Variants in CAMKK1 observed in about 807,000 individuals in gnomAD.
CAMKK1 encodes calcium/calmodulin-dependent protein kinase kinase 1.
Under a neutral mutation model 63.5 loss-of-function variants are expected in CAMKK1, and 20 were observed. The ratio of observed to expected loss-of-function variants is 0.32; its 90% CI spans 0.22 to 0.46. CAMKK1 has a LOEUF of 0.46. Among genes scored for constraint, CAMKK1 ranks in the 20% least tolerant of loss-of-function variants. The probability of loss-of-function intolerance (pLI) is 1.00; values close to 1 mark genes in which losing one functional copy is unlikely to be tolerated. For missense variants in CAMKK1, 588 were observed against 658.1 expected (o/e 0.89, Z 1.17); for synonymous variants, 253 against 269.0 (o/e 0.94, Z 0.58).
At position 3,873,412 on chromosome 17, in the gene CAMKK1, C is replaced by A. The variant is rs760288062; in HGVS notation, c.1047G>T (p.Gly349=). Residue 349 remains glycine (G), a synonymous_variant, in exon 11 of 16, where the codon GGG becomes GGT. Transcript: ENST00000348335. ...TGCTGGCATCCCTGGCACTCACCTT[C>A]CCATAGACAAAGCAGTACAACGTGA... The part of the protein sequence containing the change: ...TGVTLYCFVY[G]KCPFIDDFIL... The A allele has an allele frequency of 9.3e-6, 15 of 1,614,112 alleles. No homozygotes were observed. Among genetic ancestry groups the A allele is most frequent in the Non-Finnish European group, 1.3e-5 (15 of 1,180,008 alleles).
At chr17:3,869,997 G>A (rs1247407398) in intron 12 of CAMKK1, 109 bp from the exon 13 acceptor site, 29 of 851,392 alleles carry the variant, frequency 3.4e-5, no homozygotes, top group Non-Finnish European at 4.3e-5. Flanking sequence ...ACTGAGTTCC[G>A]GACAGCAGGC....
In CAMKK1 at chr17:3,885,531, C is replaced by T. The variant is rs761030354; in HGVS notation, c.157G>A (p.Val53Met). 6.2e-7 allele frequency: 1 copy of T among 1,613,988 alleles called. No homozygotes were observed. The highest frequency in any genetic ancestry group is 1.1e-5 in the South Asian group (1 of 91,090). Reference protein sequence around the residue: ...DPPPRARAASVIPGSTSRLLP... With the variant: ...DPPPRARAASMIPGSTSRLLP... ...AGTCTTGAAGTACTGCCAGGGATCA[C>T]AGAGGCAGCTCTGGCCCGTGGTGGG... The change falls in exon 2 of 16, where the codon GTG becomes ATG. Residue 53 changes from valine to methionine, a missense_variant. Around this residue, in one of 3 missense-constraint regions of CAMKK1, gnomAD observed 357 missense variants for 407.4 expected, o/e 0.88. Coordinates refer to ENST00000348335, the MANE Select transcript of CAMKK1 (RefSeq NM_032294.3).
chr17:3,884,291 T>C lies in CAMKK1; in HGVS notation c.408+89A>G. 7.0e-7 allele frequency: 1 copy of C among 1,434,032 alleles called. No individual in the cohort carries two copies. 88.8% of individuals were successfully genotyped at this position (1,434,032 alleles called of 1,614,324 possible). On this transcript the variant is annotated intron_variant, in intron 3 of 15. Coordinates refer to ENST00000348335, the MANE Select transcript of CAMKK1 (RefSeq NM_032294.3). The surrounding 1 kb of genome is among the most constrained non-coding windows in gnomAD (Gnocchi z 4.5). ...CTCCAGGCTAGGACTTGCCTGGCTCTGCCTCCCGTTCCCTCCCACACGAGA... is the reference window on the plus strand; with the variant it reads ...CTCCAGGCTAGGACTTGCCTGGCTCCGCCTCCCGTTCCCTCCCACACGAGA...
Position 3,883,764 on chromosome 17 carries a change from G to A in CAMKK1, c.462+120C>T. On this transcript the variant is annotated intron_variant, in intron 4 of 15. Transcript: ENST00000348335. This position sits in a 1 kb window ranked among gnomAD's most constrained non-coding sequence, Gnocchi z 4.7. ...AGCTCATTCCTTTGCATACCCCTAGGGACAGGGAGCTCACTCTCAGGCAGC... is the reference window on the plus strand; with the variant it reads ...AGCTCATTCCTTTGCATACCCCTAGAGACAGGGAGCTCACTCTCAGGCAGC... The A allele has an allele frequency of 1.1e-6, 1 of 950,226 alleles. No homozygotes were observed. Among genetic ancestry groups the A allele is most frequent in the Non-Finnish European group, 1.7e-6 (1 of 591,798 alleles). The allele number at this position is 950,226 out of a possible 1,614,324, so 58.9% of individuals were successfully genotyped here.
rs1414076290 is a variant in CAMKK1, at chr17:3,890,809, G to A, written c.-44+2130C>T. ...ACCTCCCTCTCCTCTGCTGCCTGGA[G>A]GACAGCTCAGACATCGCCTCTTCTG... On this transcript the variant is annotated intron_variant, in intron 1 of 15. Transcript: ENST00000348335. This position sits in a 1 kb window ranked among gnomAD's most constrained non-coding sequence, Gnocchi z 6.5. The A allele has an allele frequency of 1.3e-6, 1 of 779,306 alleles. No individual in the cohort carries two copies. The highest frequency in any genetic ancestry group is 2.4e-6 in the Non-Finnish European group (1 of 417,714). The allele number at this position is 779,306 out of a possible 1,614,324, so 48.3% of individuals were successfully genotyped here.
Position 3,883,230 on chromosome 17 carries a change from G to A in CAMKK1, c.515-55C>T. The stretch of plus-strand genomic sequence containing the variant: ...GTTCCAGGTGGCTGGGCCTCACCGT[G>A]GCCCCCAAACCAGTCTCAAGCAAGA... On this transcript the variant is annotated intron_variant, in intron 5 of 15. Transcript: ENST00000348335. This position sits in a 1 kb window ranked among gnomAD's most constrained non-coding sequence, Gnocchi z 4.7. 2 of 1,601,184 alleles carry A rather than the reference G, an allele frequency of 1.2e-6. No individual in the cohort carries two copies. Among genetic ancestry groups the A allele is most frequent in the African/African-American group, 1.3e-5 (1 of 74,866 alleles).
intron 7 of CAMKK1, 145 bp from the exon 8 acceptor site, chr17:3,881,793 A>G: frequency 1.4e-6 from 1 of 708,038 alleles, no homozygotes; most frequent in Non-Finnish European, 2.5e-6. Flanking sequence ...CTGGGATATG[A>G]GAGCAAATAA....
chr17:3,881,556 G>A, intron 8 of CAMKK1, 71 bp downstream of exon 8: 1 of 1,442,810 alleles, frequency 6.9e-7, no homozygotes, highest in Admixed American at 2.0e-5. Flanking sequence ...CCCTGGGCTG[G>A]GGACACAGGG....
rs973257861 is a variant in CAMKK1, at chr17:3,862,172, T to A, written c.*39A>T. On this transcript the variant is annotated 3_prime_UTR_variant, in exon 16 of 16. Transcript: ENST00000348335. The surrounding 1 kb of genome is among the most constrained non-coding windows in gnomAD (Gnocchi z 4.1). ...GGGGTGGGCCTCTGGAGGCGCGGGATGAGTGTGCTGCCGGGTGGCCCTGGG... is the reference window on the plus strand; with the variant it reads ...GGGGTGGGCCTCTGGAGGCGCGGGAAGAGTGTGCTGCCGGGTGGCCCTGGG... 9.8e-6 allele frequency: 15 copies of A among 1,536,456 alleles called. No individual in the cohort carries two copies. The highest frequency in any genetic ancestry group is 1.2e-5 in the Non-Finnish European group (14 of 1,134,028).
At chr17:3,874,884 G>A (rs1213911454) in intron 10 of CAMKK1, among the ~76,000 whole-genome samples, 1 of 151,652 alleles carries the variant, frequency 6.6e-6, no homozygotes, top group Admixed American at 6.6e-5. Flanking sequence ...CACTTTGGGA[G>A]GCCGAGGCGG....
intron 14 of CAMKK1, among the ~76,000 whole-genome samples, chr17:3,866,572 G>C (rs769652653): frequency 1.3e-5 from 2 of 152,252 alleles, no homozygotes; most frequent in Non-Finnish European, 2.9e-5. Flanking sequence ...CGCATGCAGA[G>C]AGGCAGCGGC....
In CAMKK1 at chr17:3,876,211, C is replaced by A; in HGVS notation, c.996+12G>T. The A allele has an allele frequency of 6.2e-7, 1 of 1,612,378 alleles. No homozygotes were observed. Among genetic ancestry groups the A allele is most frequent in the South Asian group, 1.1e-5 (1 of 90,912 alleles). On this transcript the variant is annotated intron_variant, in intron 10 of 15. Coordinates refer to ENST00000348335, the MANE Select transcript of CAMKK1 (RefSeq NM_032294.3). ...ACTTGAACCCCAGCCTGGCCCAGGG[C>A]CTGCGAGTCACCTTCCCACTGAAGC...
rs1006939032 is a variant in CAMKK1 at position 3,884,110 on chromosome 17, T to C, written c.409-173A>G. Reference sequence around the variant, plus strand: ...AGATGGGGAGGGGACTCCTGCGCCCTGGTAACTGCCCCTGCTTGGCTCCAC... The same window carrying C: ...AGATGGGGAGGGGACTCCTGCGCCCCGGTAACTGCCCCTGCTTGGCTCCAC... On this transcript the variant is annotated intron_variant, in intron 3 of 15. Coordinates refer to ENST00000348335, the MANE Select transcript of CAMKK1 (RefSeq NM_032294.3). The surrounding 1 kb of genome is among the most constrained non-coding windows in gnomAD (Gnocchi z 4.5). 5.3e-5 allele frequency among the ~76,000 whole-genome samples: 8 copies of C among 152,112 alleles called. No individual in the cohort carries two copies. The highest frequency in any genetic ancestry group is 1.0e-4 in the Non-Finnish European group (7 of 68,006).
intron 14 of CAMKK1, among the ~76,000 whole-genome samples, chr17:3,867,159 A>G (rs2054561579): frequency 6.6e-6 from 1 of 152,226 alleles, no homozygotes; most frequent in Admixed American, 6.5e-5. Context: ...GGGAGGCTGA[A>G]GCTACAGGGT....
rs1038664658 is a variant in CAMKK1, at chr17:3,890,508, T to G, written c.-44+2431A>C. On this transcript the variant is annotated intron_variant, in intron 1 of 15. Transcript: ENST00000348335. This position sits in a 1 kb window ranked among gnomAD's most constrained non-coding sequence, Gnocchi z 6.5. Reference sequence around the variant, plus strand: ...CGTCCATGTTCCCGAGCAGCTCAGATCCAACAGGCCCCAGATTCAACTCAG... The same window carrying G: ...CGTCCATGTTCCCGAGCAGCTCAGAGCCAACAGGCCCCAGATTCAACTCAG... Among the ~76,000 whole-genome samples, 2 of 152,056 alleles carry G rather than the reference T, an allele frequency of 1.3e-5. No homozygotes were observed. The highest frequency in any genetic ancestry group is 2.9e-5 in the Non-Finnish European group (2 of 67,986).
Position 3,882,558 on chromosome 17 carries a change from C to T in CAMKK1, c.655G>A (p.Asp219Asn). The T allele has an allele frequency of 6.3e-7, 1 of 1,593,610 alleles. No homozygotes were observed. The highest frequency in any genetic ancestry group is 8.5e-7 in the Non-Finnish European group (1 of 1,169,696). ...VNVVKLIEVL[D>N]DPAEDNLYLV... is the part of the protein sequence containing the mutation. ...TAGAGGTTGTCCTCAGCTGGGTCAT[C>T]CAGGACCTGGTCAGAGGGAGCAGAC... The change falls in exon 7 of 16, where the codon GAT (aspartate) becomes AAT (asparagine). Residue 219 changes from aspartate to asparagine, a missense_variant. Physicochemically the swap from Asp to Asn is conservative, Grantham distance 23. Around this residue, in one of 3 missense-constraint regions of CAMKK1, gnomAD observed 357 missense variants for 407.4 expected, o/e 0.88. Transcript: ENST00000348335. This position sits in a 1 kb window ranked among gnomAD's most constrained non-coding sequence, Gnocchi z 4.3.
chr17:3,876,827 G>A (rs1289564132), intron 9 of CAMKK1, among the ~76,000 whole-genome samples: 4 of 147,588 alleles, frequency 2.7e-5, no homozygotes, highest in African/African-American at 5.0e-5. Flanking sequence ...GCGTGATCTC[G>A]GCTCACTGCA....
intron 14 of CAMKK1, among the ~76,000 whole-genome samples, chr17:3,867,966 C>T (rs1381619595): frequency 1.8e-4 from 25 of 141,504 alleles, no homozygotes; most frequent in African/African-American, 6.0e-4. Context: ...AATGGATACG[C>T]AGGATCTGGG....
Position 3,869,619 on chromosome 17 carries a change from T to C in CAMKK1, c.1213-4A>G. The C allele has an allele frequency of 6.2e-7, 1 of 1,614,102 alleles. No homozygotes were observed. Among genetic ancestry groups the C allele is most frequent in the Non-Finnish European group, 8.5e-7 (1 of 1,180,000 alleles). On this transcript the variant is annotated splice_polypyrimidine_tract_variant and splice_region_variant and intron_variant, in intron 13 of 15. Transcript: ENST00000348335. ...TCTTGGTCACCCAAGGGTGCAACTG[T>C]CGGGGCCGGGAGGGCAGGGAGAGGG...
Sources: allele counts gnomAD v4.1 joint callset (sites outside exome capture counted in the v4.1 genomes callset), GRCh38; gene constraint gnomAD v4.1.1; regional missense constraint gnomAD v4.1.1; non-coding constraint Gnocchi (gnomAD v3.1); transcripts MANE v1.5; gene names NCBI Gene and HGNC (gene_info 2026-07-23, HGNC 2026-07-21).